Variants in AVL9 observed in about 807,000 individuals in gnomAD.
AVL9 encodes the protein late secretory pathway protein AVL9 homolog.
A neutral mutation model predicts 79.2 loss-of-function variants in AVL9; 49 were observed. The ratio of observed to expected loss-of-function variants is 0.62; its 90% CI spans 0.49 to 0.79. The LOEUF is 0.79. Ranked by LOEUF, AVL9 falls within the 30% of genes least tolerant of loss-of-function variation. The probability of loss-of-function intolerance (pLI) is 0.00; values close to 1 mark genes in which losing one functional copy is unlikely to be tolerated. For synonymous variants in AVL9, 299 were observed against 280.6 expected (o/e 1.07, Z -0.65); for missense variants, 682 against 776.8 (o/e 0.88, Z 1.45).
chr7:32,569,083 TC>T (rs1291046334), intron 10 of AVL9, among the ~76,000 whole-genome samples: 1 of 152,134 alleles, frequency 6.6e-6, no homozygotes, highest in Non-Finnish European at 1.5e-5. Context: ...AAAGCGGATA[TC>T]CCCTGCCTTC....
At chr7:32,505,022 T>A (rs1179026899) in intron 1 of AVL9, among the ~76,000 whole-genome samples, 1 of 151,768 alleles carries the variant, frequency 6.6e-6, no homozygotes, top group Non-Finnish European at 1.5e-5. Flanking sequence ...TACAAGAGTA[T>A]GCCACCATGC....
chr7:32,577,861 T>C (rs1791172355), intron 13 of AVL9, among the ~76,000 whole-genome samples: 1 of 152,166 alleles, frequency 6.6e-6, no homozygotes, highest in Non-Finnish European at 1.5e-5. Context: ...GCAGATATGA[T>C]AGTGCAGGCC....
At chr7:32,523,455 G>T (rs1788256610) in intron 1 of AVL9, among the ~76,000 whole-genome samples, 2 of 146,558 alleles carry the variant, frequency 1.4e-5, no homozygotes, top group South Asian at 4.3e-4. Flanking sequence ...GGGTAGAAAA[G>T]TTCCTGGGAC....
chr7:32,521,581 A>G (rs1021485030), intron 1 of AVL9, among the ~76,000 whole-genome samples: 9 of 152,212 alleles, frequency 5.9e-5, no homozygotes, highest in Non-Finnish European at 1.3e-4. Context: ...TGTTAAAGGC[A>G]TTTAGTTTTA....
In AVL9 at chr7:32,584,373, T is replaced by G. The variant is rs1791666464; in HGVS notation, c.*466T>G. 1 of 154,594 alleles carries G rather than the reference T, an allele frequency of 6.5e-6. No homozygotes were observed. The highest frequency in any genetic ancestry group is 1.4e-5 in the Non-Finnish European group (1 of 69,462). 9.6% of individuals were successfully genotyped at this position (154,594 alleles called of 1,614,324 possible). ...AGGGGTCATACAGTTGGGCCTTCATTATTTTGCTGAATTATGTGATGATTT... is the reference window on the plus strand; with the variant it reads ...AGGGGTCATACAGTTGGGCCTTCATGATTTTGCTGAATTATGTGATGATTT... On this transcript the variant is annotated 3_prime_UTR_variant, in exon 16 of 16. Transcript: ENST00000318709.
Position 32,580,367 on chromosome 7 carries a change from A to G in AVL9, c.1742+95A>G, listed in dbSNP as rs1397651195. On this transcript the variant is annotated intron_variant, in intron 14 of 15. Coordinates refer to ENST00000318709, the MANE Select transcript of AVL9 (RefSeq NM_015060.3). ...TGGGAATTGTTTTTCTCTACTTGAT[A>G]GACTTATGCTTCAAATAGTAACCAA... 4.1e-6 allele frequency: 4 copies of G among 975,368 alleles called. No individual in the cohort carries two copies. In the East Asian group the frequency reaches 7.3e-5, roughly 18 times the overall value. The allele number at this position is 975,368 out of a possible 1,614,324, so 60.4% of individuals were successfully genotyped here.
In AVL9 at chr7:32,495,513, G is replaced by A. The variant is rs1395573811; in HGVS notation, c.-197G>A. On this transcript the variant is annotated 5_prime_UTR_variant, in exon 1 of 16. Coordinates refer to ENST00000318709, the MANE Select transcript of AVL9 (RefSeq NM_015060.3). ...CGTGTCAGGTGACAGCCCGGAAGCT[G>A]CGGAAGCGGATGAGGGAAGGGCGGC... 1 of 394,730 alleles carries A rather than the reference G, an allele frequency of 2.5e-6. No individual in the cohort carries two copies. The allele number at this position is 394,730 out of a possible 1,614,324, so 24.5% of individuals were successfully genotyped here. A position where few individuals can be genotyped will look rare whatever the true frequency, so the allele number is the denominator to read the frequency against.
intron 7 of AVL9, 31 bp from the exon 8 acceptor site, chr7:32,554,522 CTCATT>C (rs771032594): frequency 4.3e-6 from 6 of 1,380,456 alleles, no homozygotes; most frequent in Non-Finnish European, 6.0e-6. Flanking sequence ...GCGTGAGTCT[CTCATT>C]TCAATACAAC....
chr7:32,574,528 T>C (rs1275436286), intron 12 of AVL9, among the ~76,000 whole-genome samples: 1 of 152,218 alleles, frequency 6.6e-6, no homozygotes, highest in Non-Finnish European at 1.5e-5. Context: ...ATTTGCTTTT[T>C]TAAAAATATT....
intron 1 of AVL9, among the ~76,000 whole-genome samples, chr7:32,523,740 T>TC (rs906944609): frequency 4.1e-5 from 6 of 146,258 alleles, no homozygotes; most frequent in Admixed American, 1.4e-4. Context: ...TCTTTTCTTT[T>TC]TTTTTTTTTT....
chr7:32,579,066 C>G (rs937343446), intron 13 of AVL9, among the ~76,000 whole-genome samples: 1 of 151,340 alleles, frequency 6.6e-6, no homozygotes, highest in African/African-American at 2.4e-5. Context: ...GTCACATATA[C>G]TTACTTTGGG....
chr7:32,583,740 T>C lies in AVL9; in HGVS notation c.1832-52T>C. 3 of 1,183,126 alleles carry C rather than the reference T, an allele frequency of 2.5e-6. No individual in the cohort carries two copies. The East Asian group carries it at 7.1e-5, about 28-fold the overall frequency. 73.3% of individuals were successfully genotyped at this position (1,183,126 alleles called of 1,614,324 possible). On this transcript the variant is annotated intron_variant, in intron 15 of 15. Transcript: ENST00000318709. ...TTAATTATGTTGGTCTTTCACTGTCTCGTAACAAAAGTTAAGACATTTTTC... is the reference window on the plus strand; with the variant it reads ...TTAATTATGTTGGTCTTTCACTGTCCCGTAACAAAAGTTAAGACATTTTTC...
chr7:32,555,628 T>C (rs6462379), intron 8 of AVL9, among the ~76,000 whole-genome samples: 1,764 of 152,300 alleles, frequency 0.012, 34 homozygotes, highest in African/African-American at 0.04. Flanking sequence ...CAGAGTTGAG[T>C]AGTTGTGACA....
intron 10 of AVL9, among the ~76,000 whole-genome samples, chr7:32,560,660 T>C (rs1790292467): frequency 6.6e-6 from 1 of 152,330 alleles, no homozygotes; most frequent in South Asian, 2.1e-4. Flanking sequence ...TTTGACCTCC[T>C]CCTGTGAATC....
chr7:32,568,310 C>T (rs1562794368), intron 10 of AVL9, among the ~76,000 whole-genome samples: 1 of 151,774 alleles, frequency 6.6e-6, no homozygotes, highest in Non-Finnish European at 1.5e-5. Context: ...AAGCGATTCT[C>T]CTGCCTCAGC....
intron 15 of AVL9, 64 bp downstream of exon 15, chr7:32,580,954 A>G: frequency 1.7e-6 from 2 of 1,150,034 alleles, no homozygotes; most frequent in Non-Finnish European, 2.6e-6. Context: ...TATCTTTAAT[A>G]TGTAATTGAT....
chr7:32,529,843 T>C (rs182921176), intron 1 of AVL9, among the ~76,000 whole-genome samples: 13 of 152,340 alleles, frequency 8.5e-5, no homozygotes, highest in Non-Finnish European at 1.6e-4. Context: ...GATGTCCTTA[T>C]GCACCCCTTC....
At chr7:32,572,387 T>C (rs1430465690) in intron 11 of AVL9, among the ~76,000 whole-genome samples, 1 of 140,464 alleles carries the variant, frequency 7.1e-6, no homozygotes, top group East Asian at 2.2e-4. Flanking sequence ...TCATTATTGG[T>C]TACATTCTAG....
Position 32,580,887 on chromosome 7 carries a change from G to A in AVL9, c.1828G>A (p.Val610Ile). The stretch of plus-strand genomic sequence containing the variant: ...GAATGTTGTACAAACAGGAAAAGCT[G>A]TTGGTAAGACATGCCTTTAGCCAGG... Reference protein sequence around the residue: ...SRNVVQTGKAVGQSVGGAFSS... With the variant: ...SRNVVQTGKAIGQSVGGAFSS... Residue 610 changes from valine (V) to isoleucine (I), a missense_variant, in exon 15 of 16, where the codon GTT becomes ATT. Transcript: ENST00000318709. 1 of 1,613,126 alleles carries A rather than the reference G, an allele frequency of 6.2e-7. No homozygotes were observed. Among genetic ancestry groups the A allele is most frequent in the African/African-American group, 1.3e-5 (1 of 75,006 alleles).
Sources: gnomAD v4.1 joint callset for allele counts (sites outside exome capture counted in the v4.1 genomes callset) on GRCh38, gnomAD v4.1.1 for gene constraint, MANE v1.5 for transcripts, NCBI Gene and HGNC (gene_info 2026-07-23, HGNC 2026-07-21) for gene names.